The following LTBP1 variants were observed in gnomAD, a reference collection of about 807,000 sequenced individuals.
LTBP1 encodes the protein latent-transforming growth factor beta-binding protein 1.
A neutral mutation model predicts 207.6 loss-of-function variants in LTBP1; 129 were observed. The ratio of observed to expected loss-of-function variants is 0.62; its 90% CI spans 0.54 to 0.72. LTBP1 has a LOEUF of 0.72. Ranked by LOEUF, LTBP1 falls within the 30% of genes least tolerant of loss-of-function variation. LTBP1 has a pLI of 0.00. For synonymous variants in LTBP1, 963 were observed against 833.7 expected (o/e 1.16, Z -2.67); for missense variants, 2,281 against 2,217.2 (o/e 1.03, Z -0.58).
chr2:33,322,542 C>T (rs1219906715), intron 24 of LTBP1, among the ~76,000 whole-genome samples: 1 of 152,178 alleles, frequency 6.6e-6, no homozygotes, highest in African/African-American at 2.4e-5. Context: ...TATCTGATTG[C>T]ATGATTTTAT....
chr2:33,110,084 A>G (rs2080306387), intron 3 of LTBP1, among the ~76,000 whole-genome samples: 1 of 152,026 alleles, frequency 6.6e-6, no homozygotes, highest in Non-Finnish European at 1.5e-5. Flanking sequence ...CTGTGTAAAC[A>G]TCTTTGTCTT....
intron 5 of LTBP1, among the ~76,000 whole-genome samples, chr2:33,173,067 T>C (rs548841399): frequency 7.9e-5 from 12 of 151,944 alleles, no homozygotes; most frequent in Non-Finnish European, 1.8e-4. Flanking sequence ...GATCCAAAAT[T>C]GACACCCTAA....
chr2:33,177,993 C>T (rs1245823586), intron 5 of LTBP1, among the ~76,000 whole-genome samples: 2 of 152,174 alleles, frequency 1.3e-5, no homozygotes, highest in African/African-American at 4.8e-5. Flanking sequence ...GCAAGTGTTT[C>T]TGATGATCCC....
intron 31 of LTBP1, among the ~76,000 whole-genome samples, chr2:33,387,044 A>G (rs2095272055): frequency 6.6e-6 from 1 of 152,002 alleles, no homozygotes; most frequent in Admixed American, 6.6e-5. Flanking sequence ...TGGCCAGGAT[A>G]GTCTCCATCT....
intron 15 of LTBP1, among the ~76,000 whole-genome samples, chr2:33,272,864 T>G (rs534966371): frequency 4.0e-5 from 6 of 151,184 alleles, no homozygotes; most frequent in East Asian, 3.9e-4. Context: ...AGTCCTTGGG[T>G]TTTTTTTTGA....
At chr2:33,132,451 T>C (rs1214611876) in intron 4 of LTBP1, among the ~76,000 whole-genome samples, 15 of 152,242 alleles carry the variant, frequency 9.9e-5, no homozygotes, top group Non-Finnish European at 1.5e-5. Flanking sequence ...CATTTACATA[T>C]TGTTTTTGAC....
rs576274407 is a variant in LTBP1, at chr2:33,085,847, C to A, written c.864-24735C>A. ...ATGGATGTGGTTTGGCATGTTCTGG[C>A]CACTGGGTGTGGTGGGTTCTGGGAG... On this transcript the variant is annotated intron_variant, in intron 3 of 33. Transcript: ENST00000404816. Among the ~76,000 whole-genome samples the A allele has an allele frequency of 1.2e-4, 18 of 152,232 alleles. No individual in the cohort carries two copies. The South Asian group carries it at 3.7e-3, about 32-fold the overall frequency.
intron 33 of LTBP1, 94 bp downstream of exon 33, chr2:33,397,376 T>G: frequency 1.4e-6 from 2 of 1,466,278 alleles, no homozygotes; most frequent in Non-Finnish European, 1.9e-6. Context: ...TTGCTGAGTT[T>G]CAGTTTGAGA....
chr2:33,265,453 A>G (rs773054328), intron 15 of LTBP1, among the ~76,000 whole-genome samples: 1 of 152,232 alleles, frequency 6.6e-6, no homozygotes, highest in Non-Finnish European at 1.5e-5. Context: ...ATAACTGTAC[A>G]TTCAACTACA....
intron 9 of LTBP1, among the ~76,000 whole-genome samples, chr2:33,237,188 G>C (rs960731382): frequency 1.3e-5 from 2 of 152,208 alleles, no homozygotes; most frequent in African/African-American, 4.8e-5. Context: ...TTAATAGATT[G>C]TGTGTTAAAA....
In LTBP1 at chr2:33,137,902, A is replaced by G. The variant is rs140204955; in HGVS notation, c.1201+2942A>G. Among the ~76,000 whole-genome samples, 16 of 152,268 alleles carry G rather than the reference A, an allele frequency of 1.1e-4. No homozygotes were observed. In the East Asian group the frequency reaches 3.1e-3, roughly 29 times the overall value. ...ACCTGGAGTCTGCCCATGATGTATAAGAGGGACAAGGTGAAGGACCTCATG... is the reference window on the plus strand; with the variant it reads ...ACCTGGAGTCTGCCCATGATGTATAGGAGGGACAAGGTGAAGGACCTCATG... On this transcript the variant is annotated intron_variant, in intron 5 of 33. Transcript: ENST00000404816.
intron 14 of LTBP1, 146 bp from the exon 15 acceptor site, chr2:33,263,148 C>G (rs570421590): frequency 1.7e-6 from 1 of 604,252 alleles, no homozygotes; most frequent in African/African-American, 1.8e-5. Flanking sequence ...ATGTTGAACC[C>G]AGAGCCTTGG....
At chr2:33,362,439 G>A (rs529347670) in intron 28 of LTBP1, among the ~76,000 whole-genome samples, 28 of 152,236 alleles carry the variant, frequency 1.8e-4, no homozygotes, top group African/African-American at 6.5e-4. Context: ...ACATTACTAT[G>A]TTTTTGCAGG....
Position 33,390,606 on chromosome 2 carries a change from G to T in LTBP1, c.4834+1300G>T, listed in dbSNP as rs567796665. On this transcript the variant is annotated intron_variant, in intron 32 of 33. Transcript: ENST00000404816. ...GGGCTCAAGCGATCCTCCCACCCCA[G>T]TCTCCCGAGAAGCTGGGACTACAGG... 5.3e-5 allele frequency among the ~76,000 whole-genome samples: 8 copies of T among 152,014 alleles called. No individual in the cohort carries two copies. The South Asian group carries it at 1.7e-3, about 32-fold the overall frequency.
chr2:33,347,611 C>A, intron 26 of LTBP1, 101 bp downstream of exon 26: 2 of 1,393,110 alleles, frequency 1.4e-6, no homozygotes, highest in Non-Finnish European at 2.0e-6. Context: ...TAAGAAGCAG[C>A]CAGATGTCCT....
At chr2:32,984,934 A>AAAAACAAAACAAAAC (rs59089750) in intron 2 of LTBP1, among the ~76,000 whole-genome samples, 60 of 150,616 alleles carry the variant, frequency 4.0e-4, no homozygotes, top group Non-Finnish European at 6.8e-4. Context: ...TCTGTTTCAA[A>AAAAACAAAACAAAAC]AAAACAAAAC....
At chr2:32,964,078 C>T (rs1255373736) in intron 2 of LTBP1, among the ~76,000 whole-genome samples, 2 of 152,176 alleles carry the variant, frequency 1.3e-5, no homozygotes, top group Non-Finnish European at 2.9e-5. Context: ...TGTGCTTCCT[C>T]GCGTCAAGAT....
intron 5 of LTBP1, among the ~76,000 whole-genome samples, chr2:33,169,029 T>C (rs2148362259): frequency 6.6e-6 from 1 of 152,286 alleles, no homozygotes; most frequent in East Asian, 1.9e-4. Flanking sequence ...TAATGATCCA[T>C]GGAGGGTGGG....
In LTBP1 at chr2:33,315,182, C is replaced by T. The variant is rs761778996; in HGVS notation, c.3643C>T (p.Gln1215Ter). Reference protein sequence around the residue: ...ECEHPGLCGPQGECLNTEGSF... With the variant: ...ECEHPGLCGP ...TGAACATCCAGGGCTCTGTGGTCCG[C>T]AAGGGGAGTGCCTAAACACAGAGGG... is the stretch of plus-strand genomic sequence containing the variant. The change falls in exon 24 of 34, where the codon CAA becomes TAA. Residue 1215 changes from glutamine to a stop codon, truncating the protein, a stop_gained. Transcript: ENST00000404816. LOFTEE classifies it high-confidence loss of function. 2.5e-6 allele frequency: 4 copies of T among 1,612,470 alleles called. No homozygotes were observed.
Sources: allele counts gnomAD v4.1 joint callset (sites outside exome capture counted in the v4.1 genomes callset), GRCh38; gene constraint gnomAD v4.1.1; transcripts MANE v1.5; gene names NCBI Gene and HGNC (gene_info 2026-07-23, HGNC 2026-07-21).